MYO1D: variants seen among roughly 807,000 people sequenced by gnomAD.
MYO1D encodes the protein myosin ID, also known as unconventional myosin-Id.
A neutral mutation model predicts 122.0 loss-of-function variants in MYO1D; 83 were observed. The observed-to-expected ratio is 0.68, with a 90% CI of 0.57 to 0.82. MYO1D has a LOEUF of 0.82. Among genes scored for constraint, MYO1D ranks in the 40% least tolerant of loss-of-function variants. The pLI is 0.00. For synonymous variants in MYO1D, 464 were observed against 446.9 expected (o/e 1.04, Z -0.48); for missense variants, 1,157 against 1,269.5 (o/e 0.91, Z 1.35).
chr17:32,657,912 G>T (rs1207845565), intron 17 of MYO1D, among the ~76,000 whole-genome samples: 1 of 151,980 alleles, frequency 6.6e-6, no homozygotes, highest in Non-Finnish European at 1.5e-5. Context: ...GATCTTTATT[G>T]GTATGGACAG....
At chr17:32,638,160 C>T (rs1439587891) in intron 20 of MYO1D, among the ~76,000 whole-genome samples, 1 of 152,110 alleles carries the variant, frequency 6.6e-6, no homozygotes, top group Non-Finnish European at 1.5e-5. Context: ...CAAACAAACT[C>T]ATATTGCGAT....
At chr17:32,496,408 C>G (rs1909113654) in intron 21 of MYO1D, 2 of 152,260 alleles carry the variant, frequency 1.3e-5, no homozygotes, top group South Asian at 4.1e-4. Flanking sequence ...TACTTAATGT[C>G]TTGTCAGCTG....
At chr17:32,561,217 G>A (rs2087122637) in intron 21 of MYO1D, among the ~76,000 whole-genome samples, 1 of 152,100 alleles carries the variant, frequency 6.6e-6, no homozygotes. Context: ...AGTCTAGCTG[G>A]TGAATCTTTC....
chr17:32,571,194 G>A (rs1247243160), intron 21 of MYO1D, among the ~76,000 whole-genome samples: 1 of 152,176 alleles, frequency 6.6e-6, no homozygotes, highest in Non-Finnish European at 1.5e-5. Flanking sequence ...CTAAGAGGAT[G>A]CAGGGTAGCC....
intron 21 of MYO1D, among the ~76,000 whole-genome samples, chr17:32,584,364 T>C (rs1567898352): frequency 6.6e-6 from 1 of 152,180 alleles, no homozygotes; most frequent in African/African-American, 2.4e-5. Flanking sequence ...CCTCAAGAAA[T>C]AGATTTTTCT....
intron 1 of MYO1D, among the ~76,000 whole-genome samples, chr17:32,786,743 C>A (rs1214045966): frequency 1.3e-5 from 2 of 152,094 alleles, no homozygotes. Context: ...TCTCTTGAAC[C>A]CAGGGGGCAG....
chr17:32,500,958 A>C (rs1909297599), intron 21 of MYO1D, among the ~76,000 whole-genome samples: 1 of 151,760 alleles, frequency 6.6e-6, no homozygotes. Context: ...GTAGTGAGTC[A>C]AGATCGTGCC....
intron 21 of MYO1D, among the ~76,000 whole-genome samples, chr17:32,521,710 G>A (rs1039300010): frequency 6.6e-6 from 1 of 152,214 alleles, no homozygotes; most frequent in African/African-American, 2.4e-5. Flanking sequence ...AGCACTTTGG[G>A]AGGCCAAGGC....
At chr17:32,758,412 TATG>T (rs1375113858) in intron 10 of MYO1D, among the ~76,000 whole-genome samples, 2 of 152,188 alleles carry the variant, frequency 1.3e-5, no homozygotes, top group Non-Finnish European at 2.9e-5. Context: ...CTGGATATTT[TATG>T]ATATTAAGGA....
At chr17:32,801,739 T>G (rs2090463141) in intron 1 of MYO1D, among the ~76,000 whole-genome samples, 1 of 152,196 alleles carries the variant, frequency 6.6e-6, no homozygotes, top group African/African-American at 2.4e-5. Context: ...TTCCTAGCTC[T>G]GTTTGTAAGA....
chr17:32,823,793 T>C (rs947412516), intron 1 of MYO1D, among the ~76,000 whole-genome samples: 1 of 151,984 alleles, frequency 6.6e-6, no homozygotes, highest in East Asian at 1.9e-4. Context: ...CTAGGCTGGG[T>C]ACGGTGGCTC....
chr17:32,544,330 G>GGGGA (rs2086946169), intron 21 of MYO1D, among the ~76,000 whole-genome samples: 1 of 151,590 alleles, frequency 6.6e-6, no homozygotes. Context: ...TGAACTCCTA[G>GGGGA]GTTCAAGCGA....
At position 32,662,559 on chromosome 17, in the gene MYO1D, G is replaced by T. The variant is rs549143071; in HGVS notation, c.2122-3221C>A. Among the ~76,000 whole-genome samples the T allele has an allele frequency of 4.9e-4, 75 of 152,204 alleles. 1 individual carries two copies. Among genetic ancestry groups the T allele is most frequent in the African/African-American group, 1.8e-3 (75 of 41,546 alleles). ...GTGGTGGTGCGCGTCTGTAATTCCA[G>T]CTACTCGTGAGGCTGAGGCAGGAGA... On this transcript the variant is annotated intron_variant, in intron 16 of 21. Coordinates refer to ENST00000318217, the MANE Select transcript of MYO1D (RefSeq NM_015194.3).
intron 1 of MYO1D, among the ~76,000 whole-genome samples, chr17:32,844,205 A>AT (rs1229005854): frequency 2.0e-5 from 3 of 148,052 alleles, no homozygotes; most frequent in Non-Finnish European, 4.5e-5. Context: ...TAAGAACAGT[A>AT]TTAGGCTGTT....
At chr17:32,817,130 T>C (rs1009180624) in intron 1 of MYO1D, among the ~76,000 whole-genome samples, 1 of 152,190 alleles carries the variant, frequency 6.6e-6, no homozygotes, top group Non-Finnish European at 1.5e-5. Context: ...GGTCATGATA[T>C]GTTGCCCAGG....
intron 16 of MYO1D, among the ~76,000 whole-genome samples, chr17:32,663,405 C>A (rs1172814174): frequency 6.6e-6 from 1 of 152,130 alleles, no homozygotes; most frequent in Non-Finnish European, 1.5e-5. Flanking sequence ...GGTTTATACA[C>A]CTTATCCAGT....
chr17:32,694,563 C>T lies in MYO1D; in HGVS notation c.2121+17425G>A, dbSNP rs186644671. On this transcript the variant is annotated intron_variant, in intron 16 of 21. Transcript: ENST00000318217. ...AAAAATACAAAAAATTAGCCGGGCG[C>T]GGTGGCGGGCGCCTGTAGTCCCAGC... Among the ~76,000 whole-genome samples, 100 of 151,364 alleles carry T rather than the reference C, an allele frequency of 6.6e-4. No individual in the cohort carries two copies. In the Middle Eastern group the frequency reaches 0.01, roughly 16 times the overall value.
intron 15 of MYO1D, among the ~76,000 whole-genome samples, chr17:32,716,683 C>T (rs2150989024): frequency 6.6e-6 from 1 of 152,334 alleles, no homozygotes; most frequent in Middle Eastern, 3.4e-3. Context: ...ACATCTGGGT[C>T]ATCATATGGG....
At chr17:32,849,563 G>A (rs1460533038) in intron 1 of MYO1D, among the ~76,000 whole-genome samples, 1 of 149,608 alleles carries the variant, frequency 6.7e-6, no homozygotes, top group Non-Finnish European at 1.5e-5. Flanking sequence ...ACTATCGCAA[G>A]AACAAAAAAC....
Sources: allele counts gnomAD v4.1 joint callset (sites outside exome capture counted in the v4.1 genomes callset), GRCh38; gene constraint gnomAD v4.1.1; transcripts MANE v1.5; gene names NCBI Gene and HGNC (gene_info 2026-07-23, HGNC 2026-07-21).